Variants in CNTN4 observed in about 807,000 individuals in gnomAD.
CNTN4 encodes the protein contactin 4.
CNTN4 carries 77 observed loss-of-function variants against 122.5 expected under a neutral mutation model. The observed-to-expected ratio is 0.63, with a 90% CI of 0.52 to 0.76. The LOEUF (loss-of-function observed/expected upper bound fraction) is 0.76, where lower values mean the gene tolerates loss of function less well. Among genes scored for constraint, CNTN4 ranks in the 30% least tolerant of loss-of-function variants. The probability of loss-of-function intolerance (pLI) is 0.00; values close to 1 mark genes in which losing one functional copy is unlikely to be tolerated. For synonymous variants in CNTN4, 512 were observed against 447.0 expected (o/e 1.15, Z -1.83); for missense variants, 1,256 against 1,259.1 (o/e 1.00, Z 0.04).
intron 3 of CNTN4, among the ~76,000 whole-genome samples, chr3:2,561,543 C>T (rs371928510): frequency 6.6e-6 from 1 of 152,046 alleles, no homozygotes; most frequent in African/African-American, 2.4e-5. Flanking sequence ...TGTGGTCTCC[C>T]AGAACCAGAT....
At chr3:2,377,071 A>G (rs2045847110) in intron 3 of CNTN4, among the ~76,000 whole-genome samples, 1 of 151,256 alleles carries the variant, frequency 6.6e-6, no homozygotes, top group Non-Finnish European at 1.5e-5. Context: ...CAGGAGAATC[A>G]CTTGAACCCG....
intron 3 of CNTN4, among the ~76,000 whole-genome samples, chr3:2,481,221 A>G (rs1450403058): frequency 1.3e-5 from 2 of 151,088 alleles, no homozygotes; most frequent in Non-Finnish European, 3.0e-5. Flanking sequence ...GCTCACTGCA[A>G]CCTCCACCTC....
At chr3:2,663,967 C>G (rs998509951) in intron 4 of CNTN4, among the ~76,000 whole-genome samples, 1 of 151,878 alleles carries the variant, frequency 6.6e-6, no homozygotes, top group Non-Finnish European at 1.5e-5. Context: ...GATAGAAAGA[C>G]TAGTTGTTTT....
At chr3:2,928,012 G>T (rs1247185621) in intron 13 of CNTN4, among the ~76,000 whole-genome samples, 3 of 152,136 alleles carry the variant, frequency 2.0e-5, no homozygotes, top group Non-Finnish European at 4.4e-5. Context: ...AACTGGCCAG[G>T]TGTAGTATAT....
chr3:2,668,813 AT>A (rs2084326284), intron 4 of CNTN4, among the ~76,000 whole-genome samples: 1 of 152,160 alleles, frequency 6.6e-6, no homozygotes, highest in Non-Finnish European at 1.5e-5. Context: ...GGGCTGTTGA[AT>A]TTTGTCACAG....
chr3:2,758,277 T>A (rs1345391237), intron 6 of CNTN4, among the ~76,000 whole-genome samples: 2 of 152,120 alleles, frequency 1.3e-5, no homozygotes, highest in East Asian at 3.8e-4. Context: ...GAATAAATAT[T>A]TGTGGAATAA....
intron 12 of CNTN4, among the ~76,000 whole-genome samples, chr3:2,920,002 C>G (rs780206308): frequency 6.6e-6 from 1 of 152,016 alleles, no homozygotes; most frequent in African/African-American, 2.4e-5. Flanking sequence ...AAAGGCCATA[C>G]CTAATCCTAC....
At chr3:2,393,882 G>T (rs548482255) in intron 3 of CNTN4, among the ~76,000 whole-genome samples, 1 of 152,020 alleles carries the variant, frequency 6.6e-6, no homozygotes, top group East Asian at 1.9e-4. Flanking sequence ...CATTGTCACT[G>T]CTCTTGGTGG....
chr3:2,810,985 T>G (rs577589667), intron 6 of CNTN4, among the ~76,000 whole-genome samples: 29 of 149,248 alleles, frequency 1.9e-4, no homozygotes, highest in Admixed American at 1.5e-3. Context: ...ATTTCCATAG[T>G]GATGTTCATG....
intron 16 of CNTN4, among the ~76,000 whole-genome samples, chr3:3,033,152 G>T (rs554813899): frequency 6.6e-6 from 1 of 152,220 alleles, no homozygotes; most frequent in East Asian, 1.9e-4. Flanking sequence ...TAAAAAAAAT[G>T]GTGGGGAATG....
At chr3:2,762,298 T>G (rs1437194560) in intron 6 of CNTN4, among the ~76,000 whole-genome samples, 2 of 152,214 alleles carry the variant, frequency 1.3e-5, no homozygotes, top group Admixed American at 6.5e-5. Flanking sequence ...TTGTACAGAT[T>G]ATTTCATAGC....
At chr3:2,947,487 C>A (rs2094691482) in intron 13 of CNTN4, among the ~76,000 whole-genome samples, 1 of 152,212 alleles carries the variant, frequency 6.6e-6, no homozygotes, top group South Asian at 2.1e-4. Flanking sequence ...CCTGTGAAGT[C>A]TGGACAAGAA....
intron 2 of CNTN4, among the ~76,000 whole-genome samples, chr3:2,274,121 G>A (rs1442862055): frequency 4.6e-5 from 7 of 152,020 alleles, no homozygotes; most frequent in African/African-American, 1.7e-4. Context: ...CGTGGCTCAC[G>A]CTTGTAATCC....
At chr3:2,942,094 T>A (rs1363606271) in intron 13 of CNTN4, among the ~76,000 whole-genome samples, 1 of 152,186 alleles carries the variant, frequency 6.6e-6, no homozygotes, top group African/African-American at 2.4e-5. Context: ...CCTGGTTCCG[T>A]TCACCACTAT....
intron 3 of CNTN4, among the ~76,000 whole-genome samples, chr3:2,483,324 C>A (rs1006836312): frequency 6.6e-6 from 1 of 152,132 alleles, no homozygotes; most frequent in African/African-American, 2.4e-5. Context: ...ATATCTGTAC[C>A]CCCATTGTAT....
At chr3:3,001,590 C>G (rs1473160441) in intron 14 of CNTN4, among the ~76,000 whole-genome samples, 1 of 152,176 alleles carries the variant, frequency 6.6e-6, no homozygotes, top group Non-Finnish European at 1.5e-5. Flanking sequence ...ATTCTCTAAA[C>G]TGACCCCAGA....
chr3:2,628,786 T>C (rs1209733299), intron 4 of CNTN4, among the ~76,000 whole-genome samples: 1 of 152,244 alleles, frequency 6.6e-6, no homozygotes, highest in Non-Finnish European at 1.5e-5. Context: ...AATTCAGAAC[T>C]GGACGTAACC....
intron 6 of CNTN4, among the ~76,000 whole-genome samples, chr3:2,800,133 C>T (rs563889422): frequency 2.1e-5 from 3 of 140,740 alleles, no homozygotes; most frequent in South Asian, 4.5e-4. Context: ...CCACAGGTTG[C>T]TTTATTGGTT....
intron 2 of CNTN4, among the ~76,000 whole-genome samples, chr3:2,128,998 G>A (rs528721265): frequency 6.6e-6 from 1 of 152,030 alleles, no homozygotes; most frequent in South Asian, 2.1e-4. Context: ...TATACTTCAT[G>A]GAACATGGAG....
Sources: gnomAD v4.1 joint callset for allele counts (sites outside exome capture counted in the v4.1 genomes callset) on GRCh38, gnomAD v4.1.1 for gene constraint, MANE v1.5 for transcripts, NCBI Gene and HGNC (gene_info 2026-07-23, HGNC 2026-07-21) for gene names.